APBB2: variants seen among roughly 807,000 people sequenced by gnomAD.
The protein encoded by APBB2 is Fe65-like 1.
In APBB2, 38 loss-of-function variants were observed where a neutral mutation model predicts 82.5. That is an observed-to-expected ratio of 0.46 (90% CI 0.36 to 0.60). The LOEUF (loss-of-function observed/expected upper bound fraction) is 0.60. Among genes scored for constraint, APBB2 ranks in the 20% least tolerant of loss-of-function variants. The pLI is 0.00. For missense variants in APBB2, 772 were observed against 972.3 expected (o/e 0.79, Z 2.74); for synonymous variants, 341 against 368.2 (o/e 0.93, Z 0.85).
intron 6 of APBB2, among the ~76,000 whole-genome samples, chr4:41,012,399 G>A (rs1011498217): frequency 6.6e-6 from 1 of 152,150 alleles, no homozygotes. Context: ...AGGATAGAGA[G>A]CTGTGAACTC....
chr4:41,154,727 G>T (rs1763050864), intron 1 of APBB2, among the ~76,000 whole-genome samples: 1 of 152,118 alleles, frequency 6.6e-6, no homozygotes, highest in Non-Finnish European at 1.5e-5. Context: ...GCAGAATTTG[G>T]ATTTTTCCCA....
chr4:41,078,928 G>C (rs978404614), intron 3 of APBB2, among the ~76,000 whole-genome samples: 1 of 152,208 alleles, frequency 6.6e-6, no homozygotes, highest in Non-Finnish European at 1.5e-5. Flanking sequence ...AACATTCCCA[G>C]AGTGTCTTAT....
intron 3 of APBB2, among the ~76,000 whole-genome samples, chr4:41,084,000 C>T (rs1738695571): frequency 6.6e-6 from 1 of 152,072 alleles, no homozygotes; most frequent in African/African-American, 2.4e-5. Flanking sequence ...GTGAAAAGAT[C>T]TGTGTCTTAG....
intron 12 of APBB2, among the ~76,000 whole-genome samples, chr4:40,877,851 G>A (rs1364329291): frequency 6.6e-6 from 1 of 152,194 alleles, no homozygotes; most frequent in Admixed American, 6.5e-5. Context: ...GTGGCAAAGT[G>A]ACTCTTAACT....
At chr4:40,972,440 A>AT (rs1796176876) in intron 6 of APBB2, among the ~76,000 whole-genome samples, 1 of 82,616 alleles carries the variant, frequency 1.2e-5, no homozygotes, top group African/African-American at 3.9e-5. Flanking sequence ...AAAAAAAAAA[A>AT]ATAATAATAA....
Position 41,014,048 on chromosome 4 carries a change from G to A in APBB2, c.370C>T (p.Pro124Ser). The A allele has an allele frequency of 1.2e-6, 2 of 1,614,172 alleles. No individual in the cohort carries two copies. The highest frequency in any genetic ancestry group is 1.7e-6 in the Non-Finnish European group (2 of 1,180,024). ...GQQDPNKNLS[P>S]TAVINITSEK... ...GAAGTTATGTTGATGACTGCAGTGG[G>A]GCTCAGGTTTTTGTTGGGGTCCTGC... The change falls in exon 6 of 18, where the codon CCC (proline) becomes TCC (serine). Residue 124 changes from proline (P) to serine (S), a missense_variant. Coordinates refer to ENST00000508593, the MANE Select transcript of APBB2 (RefSeq NM_004307.2).
In APBB2 at chr4:40,815,019, C is replaced by G. The variant is rs1745236555; in HGVS notation, c.*1073G>C. 6.6e-6 allele frequency: 1 copy of G among 152,396 alleles called. No individual in the cohort carries two copies. The highest frequency in any genetic ancestry group is 6.5e-5 in the Admixed American group (1 of 15,278). 9.4% of individuals were successfully genotyped at this position (152,396 alleles called of 1,614,324 possible). ...CAATACATGATGGACAGACAGCTTT[C>G]TGGGCAAAAAGCATCAGAGGGGGAT... On this transcript the variant is annotated 3_prime_UTR_variant, in exon 18 of 18. Coordinates refer to ENST00000508593, the MANE Select transcript of APBB2 (RefSeq NM_004307.2).
intron 6 of APBB2, among the ~76,000 whole-genome samples, chr4:41,000,053 G>GTA (rs540316031): frequency 8.3e-6 from 1 of 119,844 alleles, no homozygotes; most frequent in Non-Finnish European, 1.7e-5. Flanking sequence ...GTATGTATAT[G>GTA]TATATATATG....
chr4:40,884,648 G>C (rs768352685), intron 12 of APBB2, among the ~76,000 whole-genome samples: 4 of 152,064 alleles, frequency 2.6e-5, no homozygotes, highest in Non-Finnish European at 5.9e-5. Context: ...TGTAGTCCCA[G>C]CTAACTCAGG....
At chr4:40,900,699 C>A (rs112150310) in intron 10 of APBB2, among the ~76,000 whole-genome samples, 1 of 151,472 alleles carries the variant, frequency 6.6e-6, no homozygotes, top group Non-Finnish European at 1.5e-5. Context: ...TCAAGTGATT[C>A]GCCCATCTGG....
rs552551899 is a variant in APBB2 at position 40,815,887 on chromosome 4, C to CA, written c.*204dup. The CA allele has an allele frequency of 3.0e-4, 177 of 583,748 alleles. 1 individual carries two copies. The highest frequency in any genetic ancestry group is 2.6e-3 in the African/African-American group (140 of 54,334). 36.2% of individuals were successfully genotyped at this position (583,748 alleles called of 1,614,324 possible). A position where few individuals can be genotyped will look rare whatever the true frequency, so the allele number is the denominator to read the frequency against. On this transcript the variant is annotated 3_prime_UTR_variant, in exon 18 of 18. Coordinates refer to ENST00000508593, the MANE Select transcript of APBB2 (RefSeq NM_004307.2). Reference sequence around the variant, plus strand: ...CCACTGCGCATGATGTAACTTACAGCAAAAAAAATTATTCATGCTTCTTTT... The same window carrying CA: ...CCACTGCGCATGATGTAACTTACAGCAAAAAAAAATTATTCATGCTTCTTTT...
At chr4:40,920,727 T>C (rs112030064) in intron 10 of APBB2, among the ~76,000 whole-genome samples, 45 of 152,220 alleles carry the variant, frequency 3.0e-4, no homozygotes, top group African/African-American at 1.0e-3. Context: ...TAAAATTAGC[T>C]GGGCATGGTG....
intron 12 of APBB2, among the ~76,000 whole-genome samples, chr4:40,874,469 C>T (rs1365978066): frequency 6.6e-6 from 1 of 151,686 alleles, no homozygotes; most frequent in African/African-American, 2.4e-5. Flanking sequence ...AAGTGCTGTT[C>T]GTAAGAACAC....
At chr4:40,925,348 T>C (rs188041384) in intron 10 of APBB2, among the ~76,000 whole-genome samples, 16 of 152,348 alleles carry the variant, frequency 1.1e-4, no homozygotes, top group Non-Finnish European at 2.1e-4. Flanking sequence ...ATAACAGCCA[T>C]GTGAGGTTGG....
chr4:41,084,176 A>G (rs4861366), intron 3 of APBB2, among the ~76,000 whole-genome samples: 63,529 of 152,114 alleles, frequency 0.42, 13,720 homozygotes, highest in Non-Finnish European at 0.47. Flanking sequence ...TGTAATCCCA[A>G]CACTTCAGAA....
intron 4 of APBB2, among the ~76,000 whole-genome samples, chr4:41,063,133 G>T (rs1350842496): frequency 6.6e-6 from 1 of 152,190 alleles, no homozygotes; most frequent in African/African-American, 2.4e-5. Context: ...TGTCAAAAAT[G>T]CTCAAGTACT....
intron 4 of APBB2, among the ~76,000 whole-genome samples, chr4:41,037,186 T>C (rs1018604248): frequency 2.0e-5 from 3 of 152,242 alleles, no homozygotes; most frequent in Admixed American, 6.5e-5. Context: ...TCCTCAACTC[T>C]AAATTTTATG....
intron 6 of APBB2, among the ~76,000 whole-genome samples, chr4:40,985,168 G>A (rs1473753192): frequency 2.6e-5 from 4 of 151,892 alleles, no homozygotes; most frequent in South Asian, 2.1e-4. Context: ...TCTTGCCTCA[G>A]CCTCCAACGT....
chr4:40,893,243 C>T, intron 11 of APBB2, 22 bp downstream of exon 11: 1 of 1,609,984 alleles, frequency 6.2e-7, no homozygotes, highest in African/African-American at 1.3e-5. Flanking sequence ...GCCTGCCGTG[C>T]ATCATTCTAC....
Sources: allele counts gnomAD v4.1 joint callset (sites outside exome capture counted in the v4.1 genomes callset), GRCh38; gene constraint gnomAD v4.1.1; transcripts MANE v1.5; gene names NCBI Gene and HGNC (gene_info 2026-07-23, HGNC 2026-07-21).